PHACTR1: variants seen among roughly 807,000 people sequenced by gnomAD.
The protein encoded by PHACTR1 is RPEL repeat containing 1.
A neutral mutation model predicts 69.2 loss-of-function variants in PHACTR1; 16 were observed. The ratio of observed to expected loss-of-function variants is 0.23; its 90% CI spans 0.16 to 0.35. The LOEUF (loss-of-function observed/expected upper bound fraction) is 0.35, where lower values mean the gene tolerates loss of function less well. PHACTR1 is among the 10% of genes least tolerant of loss of function. The pLI is 1.00. For synonymous variants in PHACTR1, 312 were observed against 284.5 expected, an observed-to-expected ratio of 1.10 and a Z score of -0.97; for missense variants, 510 against 734.7, an observed-to-expected ratio of 0.69 and a Z score of 3.54.
intron 4 of PHACTR1, among the ~76,000 whole-genome samples, chr6:12,820,972 A>G (rs1776141643): frequency 6.6e-6 from 1 of 152,168 alleles, no homozygotes; most frequent in African/African-American, 2.4e-5. Flanking sequence ...TTTGTTTGAC[A>G]CTTTCACCTT....
In PHACTR1 at chr6:12,859,991, T is replaced by TCAC. The variant is rs529580096; in HGVS notation, c.250+110203_250+110204insCCA. ...TAATGGCTTAAGAAGGACATCTTCATCATCATCATCATCATTATTATTATT... is the reference window on the plus strand; with the variant it reads ...TAATGGCTTAAGAAGGACATCTTCATCACCATCATCATCATCATTATTATTATT... On this transcript the variant is annotated intron_variant, in intron 4 of 14. Transcript: ENST00000332995. Among the ~76,000 whole-genome samples the TCAC allele has an allele frequency of 4.2e-3, 637 of 151,622 alleles. 6 individuals carry two copies. Among genetic ancestry groups the TCAC allele is most frequent in the African/African-American group, 0.015 (614 of 41,306 alleles).
In PHACTR1 at chr6:13,184,520, G is replaced by A. The variant is rs1461646904; in HGVS notation, c.664+1834G>A. On this transcript the variant is annotated intron_variant, in intron 7 of 14. Coordinates refer to ENST00000332995, the MANE Select transcript of PHACTR1 (RefSeq NM_030948.6). ...GCATGACCAAAGCTGAGTTTGAAAT[G>A]GTCAAGTGTTTGATGGTTTTGAGAA... Among the ~76,000 whole-genome samples the A allele has an allele frequency of 2.0e-5, 3 of 152,220 alleles. No homozygotes were observed. The East Asian group carries it at 5.8e-4, about 29-fold the overall frequency.
chr6:12,860,007 T>TCATC (rs1489099848), intron 4 of PHACTR1, among the ~76,000 whole-genome samples: 524 of 63,348 alleles, frequency 8.3e-3, no homozygotes, highest in East Asian at 0.023. Context: ...TCATCATCAT[T>TCATC]ATTATTATTA....
At chr6:13,235,761 G>A (rs1771894426) in intron 10 of PHACTR1, among the ~76,000 whole-genome samples, 1 of 152,204 alleles carries the variant, frequency 6.6e-6, no homozygotes. Context: ...CCTATTTGTG[G>A]TCAGACAACA....
intron 4 of PHACTR1, among the ~76,000 whole-genome samples, chr6:13,027,304 T>C (rs555958764): frequency 1.3e-5 from 2 of 152,314 alleles, no homozygotes; most frequent in East Asian, 3.9e-4. Context: ...GAGAAAATAA[T>C]AATTTTCTGC....
At chr6:13,089,375 T>A (rs1812840719) in intron 5 of PHACTR1, among the ~76,000 whole-genome samples, 1 of 152,022 alleles carries the variant, frequency 6.6e-6, no homozygotes, top group Non-Finnish European at 1.5e-5. Flanking sequence ...GGCCCAGACA[T>A]CTCACTTTGT....
At chr6:12,950,913 T>C (rs1791211732) in intron 4 of PHACTR1, among the ~76,000 whole-genome samples, 1 of 152,338 alleles carries the variant, frequency 6.6e-6, no homozygotes, top group Non-Finnish European at 1.5e-5. Context: ...TGAGTTCTTG[T>C]ATCTTTCCGG....
intron 4 of PHACTR1, among the ~76,000 whole-genome samples, chr6:12,770,817 C>G (rs1456144935): frequency 6.6e-6 from 1 of 152,022 alleles, no homozygotes; most frequent in Non-Finnish European, 1.5e-5. Flanking sequence ...AAACGGGGAG[C>G]CTGCGATAGA....
intron 5 of PHACTR1, among the ~76,000 whole-genome samples, chr6:13,132,722 G>A (rs1286651096): frequency 4.4e-5 from 5 of 114,422 alleles, no homozygotes; most frequent in South Asian, 2.7e-4. Context: ...TAAAAATACC[G>A]TATTGCTAAA....
At chr6:13,083,589 C>G (rs1295322752) in intron 5 of PHACTR1, among the ~76,000 whole-genome samples, 1 of 151,978 alleles carries the variant, frequency 6.6e-6, no homozygotes, top group African/African-American at 2.4e-5. Flanking sequence ...ATGGAATGTT[C>G]TTCCATTTGT....
chr6:12,790,165 A>G (rs1312213838), intron 4 of PHACTR1, among the ~76,000 whole-genome samples: 2 of 152,156 alleles, frequency 1.3e-5, no homozygotes, highest in Non-Finnish European at 1.5e-5. Flanking sequence ...TTCCTCTGTG[A>G]AAAACCCCTT....
At chr6:13,225,960 C>T (rs891596249) in intron 8 of PHACTR1, among the ~76,000 whole-genome samples, 2 of 152,208 alleles carry the variant, frequency 1.3e-5, no homozygotes, top group Admixed American at 6.5e-5. Context: ...CACCAAGTCC[C>T]CAGCCCCACT....
intron 4 of PHACTR1, among the ~76,000 whole-genome samples, chr6:12,854,958 C>T (rs1030065444): frequency 6.6e-6 from 1 of 152,156 alleles, no homozygotes; most frequent in African/African-American, 2.4e-5. Context: ...AGTACAGCCC[C>T]TGTGGAAAGC....
chr6:13,070,610 G>T (rs1467548039), intron 5 of PHACTR1, among the ~76,000 whole-genome samples: 1 of 152,144 alleles, frequency 6.6e-6, no homozygotes, highest in Non-Finnish European at 1.5e-5. Context: ...AGTTACCCAT[G>T]ACTTGAAAAC....
At chr6:13,088,063 C>T (rs1293580133) in intron 5 of PHACTR1, among the ~76,000 whole-genome samples, 1 of 152,028 alleles carries the variant, frequency 6.6e-6, no homozygotes, top group African/African-American at 2.4e-5. Flanking sequence ...TTCATCCTTA[C>T]CCCCTCTATT....
intron 5 of PHACTR1, among the ~76,000 whole-genome samples, chr6:13,158,348 A>G (rs746643939): frequency 9.2e-5 from 14 of 152,034 alleles, no homozygotes; most frequent in Non-Finnish European, 1.6e-4. Context: ...ACCCCCACAC[A>G]AACACTGTTT....
chr6:12,906,595 C>T (rs1344256689), intron 4 of PHACTR1, among the ~76,000 whole-genome samples: 1 of 152,158 alleles, frequency 6.6e-6, no homozygotes, highest in Non-Finnish European at 1.5e-5. Context: ...AATTTTTTGG[C>T]TCTAGGGATA....
intron 5 of PHACTR1, among the ~76,000 whole-genome samples, chr6:13,094,844 C>G (rs575496799): frequency 1.3e-5 from 2 of 152,242 alleles, no homozygotes; most frequent in African/African-American, 4.8e-5. Flanking sequence ...ATCACTCACC[C>G]CTTCTTTCTC....
intron 4 of PHACTR1, among the ~76,000 whole-genome samples, chr6:12,959,136 C>T (rs1241642061): frequency 2.1e-5 from 3 of 139,922 alleles, no homozygotes; most frequent in Non-Finnish European, 4.5e-5. Flanking sequence ...CAGATCTCAC[C>T]ACTGCCCTCT....
Sources: allele counts gnomAD v4.1 joint callset (sites outside exome capture counted in the v4.1 genomes callset), GRCh38; gene constraint gnomAD v4.1.1; transcripts MANE v1.5; gene names NCBI Gene and HGNC (gene_info 2026-07-23, HGNC 2026-07-21).